Variants in SLC22A15 observed in about 807,000 individuals in gnomAD.
The protein encoded by SLC22A15 is solute carrier family 22 member 15, also known as flipt 1.
A neutral mutation model predicts 62.7 loss-of-function variants in SLC22A15; 45 were observed. The observed-to-expected ratio is 0.72, with a 90% CI of 0.56 to 0.92. The LOEUF (loss-of-function observed/expected upper bound fraction) is 0.92. Ranked by LOEUF, SLC22A15 falls within the 40% of genes least tolerant of loss-of-function variation. SLC22A15 has a pLI of 0.00. For missense variants in SLC22A15, 622 were observed against 665.6 expected (o/e 0.93, Z 0.72); for synonymous variants, 264 against 267.0 (o/e 0.99, Z 0.11).
At chr1:116,023,433 A>C (rs944562577) in intron 4 of SLC22A15, among the ~76,000 whole-genome samples, 74 of 152,336 alleles carry the variant, frequency 4.9e-4, no homozygotes, top group Non-Finnish European at 9.8e-4. Flanking sequence ...ACACGTCATC[A>C]AACTAAAGAA....
At chr1:116,034,457 G>T (rs1214927941) in intron 6 of SLC22A15, among the ~76,000 whole-genome samples, 1 of 152,156 alleles carries the variant, frequency 6.6e-6, no homozygotes, top group Non-Finnish European at 1.5e-5. Context: ...CACTATGCCT[G>T]CCACCCAAGA....
intron 2 of SLC22A15, chr1:116,013,827 G>A (rs986934643): frequency 5.3e-5 from 8 of 152,172 alleles, no homozygotes; most frequent in African/African-American, 1.7e-4. Flanking sequence ...CATCCTGGTG[G>A]CTTCAAATAA....
chr1:115,977,218 G>A (rs1654354831), intron 1 of SLC22A15, among the ~76,000 whole-genome samples: 1 of 152,138 alleles, frequency 6.6e-6, no homozygotes, highest in South Asian at 2.1e-4. Context: ...GGCTTGAGGG[G>A]GCTTACTCTT....
At chr1:116,042,343 A>G (rs1321189995) in intron 8 of SLC22A15, among the ~76,000 whole-genome samples, 1 of 152,004 alleles carries the variant, frequency 6.6e-6, no homozygotes, top group Non-Finnish European at 1.5e-5. Flanking sequence ...TCATCTAGAG[A>G]TGAAACATAT....
rs557468903 is a variant in SLC22A15, at chr1:116,060,258, C to G, written c.1172-2504C>G. 2.0e-5 allele frequency among the ~76,000 whole-genome samples: 3 copies of G among 152,284 alleles called. No individual in the cohort carries two copies. In the South Asian group the frequency reaches 6.2e-4, roughly 32 times the overall value. Reference sequence around the variant, plus strand: ...GCTATTTTGAGGAAAAAGTGAATTACCCTGGTTTAAATGGCAACTGCAGAC... The same window carrying G: ...GCTATTTTGAGGAAAAAGTGAATTAGCCTGGTTTAAATGGCAACTGCAGAC... On this transcript the variant is annotated intron_variant, in intron 8 of 11. Transcript: ENST00000369503.
At chr1:116,021,580 A>G (rs1482616048) in intron 4 of SLC22A15, among the ~76,000 whole-genome samples, 2 of 152,190 alleles carry the variant, frequency 1.3e-5, no homozygotes, top group African/African-American at 4.8e-5. Context: ...GGATGTTCTT[A>G]TATGGATATG....
At chr1:116,020,487 C>T (rs1425076377) in intron 3 of SLC22A15, among the ~76,000 whole-genome samples, 1 of 150,238 alleles carries the variant, frequency 6.7e-6, no homozygotes, top group Admixed American at 6.6e-5. Context: ...ACCCGGGAGG[C>T]GGAGCTTGCA....
intron 5 of SLC22A15, 79 bp downstream of exon 5, chr1:116,027,101 A>T: frequency 7.2e-7 from 1 of 1,394,328 alleles, no homozygotes; most frequent in Non-Finnish European, 1.0e-6. Context: ...AATGAGCAGC[A>T]TTATTCCCTT....
chr1:116,066,789 G>A (rs976891582), intron 11 of SLC22A15, 81 bp downstream of exon 11: 2 of 1,358,220 alleles, frequency 1.5e-6, no homozygotes, highest in Admixed American at 2.5e-5. Context: ...AAATTAAATA[G>A]AACTGAGTAA....
rs1320816621 is a variant in SLC22A15 at position 116,031,714 on chromosome 1, A to C, written c.944+133A>C. 3 of 1,468,782 alleles carry C rather than the reference A, an allele frequency of 2.0e-6. No homozygotes were observed. In the East Asian group the frequency reaches 7.3e-5, roughly 36 times the overall value. The allele number at this position is 1,468,782 out of a possible 1,614,324, so 91.0% of individuals were successfully genotyped here. A position where few individuals can be genotyped will look rare whatever the true frequency, so the allele number is the denominator to read the frequency against. On this transcript the variant is annotated intron_variant, in intron 6 of 11. Coordinates refer to ENST00000369503, the MANE Select transcript of SLC22A15 (RefSeq NM_018420.3). ...GCTTGAGGTTGTTTTCTCAACAGCA[A>C]GTCTCCTGATCCTTAGCGCCTGGTT...
At chr1:115,988,811 G>A (rs923849889) in intron 1 of SLC22A15, among the ~76,000 whole-genome samples, 4 of 152,064 alleles carry the variant, frequency 2.6e-5, no homozygotes, top group African/African-American at 9.7e-5. Context: ...GGGATTACAG[G>A]TGTGAGCCAC....
intron 2 of SLC22A15, among the ~76,000 whole-genome samples, chr1:116,008,952 C>T (rs562354526): frequency 1.3e-5 from 2 of 152,126 alleles, no homozygotes; most frequent in African/African-American, 2.4e-5. Flanking sequence ...GTTCCACCCC[C>T]ACAAAACCCA....
At chr1:115,998,680 T>A (rs1362752209) in intron 2 of SLC22A15, among the ~76,000 whole-genome samples, 2 of 152,118 alleles carry the variant, frequency 1.3e-5, no homozygotes, top group East Asian at 3.8e-4. Flanking sequence ...CTTCTCTCTT[T>A]TTTTCTTAGT....
intron 2 of SLC22A15, among the ~76,000 whole-genome samples, chr1:115,997,840 G>T (rs1655503457): frequency 6.6e-6 from 1 of 152,022 alleles, no homozygotes; most frequent in Non-Finnish European, 1.5e-5. Flanking sequence ...TTGAAAAATG[G>T]GGTGAAAATA....
At chr1:115,981,844 C>T (rs1242939894) in intron 1 of SLC22A15, among the ~76,000 whole-genome samples, 1 of 152,102 alleles carries the variant, frequency 6.6e-6, no homozygotes, top group Non-Finnish European at 1.5e-5. Context: ...CAAGATAGCA[C>T]AAAAATAGTC....
At chr1:116,049,590 C>A (rs1229563877) in intron 8 of SLC22A15, among the ~76,000 whole-genome samples, 1 of 152,132 alleles carries the variant, frequency 6.6e-6, no homozygotes, top group Non-Finnish European at 1.5e-5. Context: ...CTCTGTGATA[C>A]AGCAAAGGCA....
At chr1:115,988,277 A>T (rs1391930335) in intron 1 of SLC22A15, among the ~76,000 whole-genome samples, 1 of 152,172 alleles carries the variant, frequency 6.6e-6, no homozygotes, top group Non-Finnish European at 1.5e-5. Flanking sequence ...AGGCAAAAAT[A>T]TGTGGGTGAA....
At chr1:116,013,856 T>A (rs1204122614) in intron 2 of SLC22A15, 1 of 152,380 alleles carries the variant, frequency 6.6e-6, no homozygotes, top group South Asian at 2.1e-4. Context: ...CATGGATGAC[T>A]CGCCCCAGAT....
chr1:116,034,280 A>G (rs750605694), intron 6 of SLC22A15, among the ~76,000 whole-genome samples: 3 of 152,076 alleles, frequency 2.0e-5, no homozygotes, highest in Non-Finnish European at 2.9e-5. Flanking sequence ...TGTTCATTCT[A>G]TTCTATTTTG....
Sources: gnomAD v4.1 joint callset for allele counts (sites outside exome capture counted in the v4.1 genomes callset) on GRCh38, gnomAD v4.1.1 for gene constraint, MANE v1.5 for transcripts, NCBI Gene and HGNC (gene_info 2026-07-23, HGNC 2026-07-21) for gene names.